DCP1A: variants seen among roughly 807,000 people sequenced by gnomAD.
DCP1A encodes the protein decapping mRNA 1A.
A neutral mutation model predicts 58.0 loss-of-function variants in DCP1A; 20 were observed. That is an observed-to-expected ratio of 0.34 (90% CI 0.24 to 0.50). The LOEUF is 0.50. Among genes scored for constraint, DCP1A ranks in the 20% least tolerant of loss-of-function variants. The pLI is 0.98. For missense variants in DCP1A, 613 were observed against 712.2 expected, an observed-to-expected ratio of 0.86 and a Z score of 1.59; for synonymous variants, 285 against 275.1, an observed-to-expected ratio of 1.04 and a Z score of -0.36.
intron 6 of DCP1A, among the ~76,000 whole-genome samples, chr3:53,296,674 AGGTT>A (rs1396409724): frequency 6.6e-6 from 1 of 152,224 alleles, no homozygotes; most frequent in Admixed American, 6.5e-5. Context: ...GTTGTTTTTA[AGGTT>A]CATCCGTGTT....
chr3:53,315,740 TG>T (rs1559694386), intron 4 of DCP1A, among the ~76,000 whole-genome samples: 11 of 114,730 alleles, frequency 9.6e-5, no homozygotes, highest in African/African-American at 3.4e-4. Flanking sequence ...TAAATCAGTT[TG>T]TTGTTTTTTT....
chr3:53,342,288 GAA>G lies in DCP1A; in HGVS notation c.177-19_177-18del. ...GAAGCTGACCTTAGATTTAATAGAA[GAA>G]AAAAAAATATGTAGTTACCATTTAA... On this transcript the variant is annotated intron_variant, in intron 2 of 9. Transcript: ENST00000610213. 6.6e-7 allele frequency: 1 copy of G among 1,520,906 alleles called. No homozygotes were observed. The highest frequency in any genetic ancestry group is 2.0e-5 in the Admixed American group (1 of 49,640). 94.2% of individuals were successfully genotyped at this position (1,520,906 alleles called of 1,614,324 possible).
At chr3:53,316,893 G>A (rs1448159569) in intron 4 of DCP1A, among the ~76,000 whole-genome samples, 2 of 151,894 alleles carry the variant, frequency 1.3e-5, no homozygotes, top group Non-Finnish European at 2.9e-5. Context: ...TCCTATTTCT[G>A]GGTTCAATAA....
chr3:53,338,992 G>A (rs1446393689), intron 3 of DCP1A, among the ~76,000 whole-genome samples: 2 of 152,056 alleles, frequency 1.3e-5, no homozygotes, highest in African/African-American at 4.8e-5. Flanking sequence ...TGGATATGAA[G>A]GTGTCACTTG....
intron 3 of DCP1A, among the ~76,000 whole-genome samples, chr3:53,324,875 TAA>T (rs879955681): frequency 7.1e-6 from 1 of 140,036 alleles, no homozygotes. Context: ...ATTTGTTAAC[TAA>T]AAAAAAAAAA....
chr3:53,318,408 G>A (rs1000868407), intron 4 of DCP1A, among the ~76,000 whole-genome samples: 1 of 152,204 alleles, frequency 6.6e-6, no homozygotes, highest in African/African-American at 2.4e-5. Context: ...AACTGTAAGA[G>A]AGCAAAAGGA....
At chr3:53,305,573 C>T (rs1237079774) in intron 5 of DCP1A, among the ~76,000 whole-genome samples, 2 of 152,086 alleles carry the variant, frequency 1.3e-5, no homozygotes, top group African/African-American at 2.4e-5. Context: ...TGGTCTCGAA[C>T]TCCTGACTTC....
intron 4 of DCP1A, among the ~76,000 whole-genome samples, chr3:53,314,547 C>G (rs963294952): frequency 6.6e-6 from 1 of 152,258 alleles, no homozygotes. Context: ...TGTTTTCCAC[C>G]TACCTCCTGA....
At chr3:53,342,298 T>TA in intron 2 of DCP1A, 27 bp from the exon 3 acceptor site, 1 of 1,504,532 alleles carries the variant, frequency 6.6e-7, no homozygotes, top group Non-Finnish European at 9.1e-7. Flanking sequence ...GAAAAAAAAA[T>TA]ATGTAGTTAC....
intron 3 of DCP1A, among the ~76,000 whole-genome samples, chr3:53,340,896 T>C (rs142677900): frequency 3.9e-5 from 6 of 152,286 alleles, no homozygotes; most frequent in South Asian, 2.1e-4. Context: ...AGCAGAAGAA[T>C]AGTCATAATC....
At position 53,304,189 on chromosome 3, in the gene DCP1A, C is replaced by A. The variant is rs369203593; in HGVS notation, c.612G>T (p.Gly204=). 1 of 1,612,542 alleles carries A rather than the reference C, an allele frequency of 6.2e-7. No individual in the cohort carries two copies. The highest frequency in any genetic ancestry group is 8.5e-7 in the Non-Finnish European group (1 of 1,178,980). ...STETLEEMPS[G]SQDKSAPSGH... is the part of the protein sequence containing the mutation. Reference sequence around the variant, plus strand: ...TAGCTGTACAAACCTTATCCTGTGACCCGGAGGGCATTTCTTCTAGAGTCT... The same window carrying A: ...TAGCTGTACAAACCTTATCCTGTGAACCGGAGGGCATTTCTTCTAGAGTCT... Residue 204 remains glycine, a synonymous_variant, in exon 6 of 10, where the codon GGG becomes GGT. Coordinates refer to ENST00000610213, the MANE Select transcript of DCP1A (RefSeq NM_018403.7).
chr3:53,298,351 C>T (rs1553687015), intron 6 of DCP1A, among the ~76,000 whole-genome samples: 1 of 152,186 alleles, frequency 6.6e-6, no homozygotes, highest in Non-Finnish European at 1.5e-5. Flanking sequence ...CGAGGCCAGA[C>T]AGATTCTCTA....
intron 3 of DCP1A, among the ~76,000 whole-genome samples, chr3:53,323,754 C>A (rs1309004019): frequency 6.7e-6 from 1 of 149,394 alleles, no homozygotes; most frequent in African/African-American, 2.5e-5. Flanking sequence ...CCCAGCTACT[C>A]GGGAGGCTAA....
intron 2 of DCP1A, among the ~76,000 whole-genome samples, chr3:53,342,661 G>A (rs1477054801): frequency 6.6e-6 from 1 of 152,218 alleles, no homozygotes; most frequent in Non-Finnish European, 1.5e-5. Flanking sequence ...AAGCTGCACA[G>A]CTATCTCATC....
chr3:53,311,651 A>C (rs1707648168), intron 5 of DCP1A, among the ~76,000 whole-genome samples: 1 of 152,182 alleles, frequency 6.6e-6, no homozygotes, highest in Non-Finnish European at 1.5e-5. Flanking sequence ...CCAATTACAG[A>C]CCATGAGTGT....
At chr3:53,305,828 T>G (rs1231189088) in intron 5 of DCP1A, among the ~76,000 whole-genome samples, 1 of 152,214 alleles carries the variant, frequency 6.6e-6, no homozygotes, top group South Asian at 2.1e-4. Context: ...GGACATCTAA[T>G]TGTACTAATA....
chr3:53,337,153 G>A (rs1266678738), intron 3 of DCP1A, among the ~76,000 whole-genome samples: 1 of 152,196 alleles, frequency 6.6e-6, no homozygotes, highest in African/African-American at 2.4e-5. Context: ...ATACAGGCGT[G>A]AGCCACCATA....
At chr3:53,315,261 C>T (rs887005215) in intron 4 of DCP1A, among the ~76,000 whole-genome samples, 1 of 151,662 alleles carries the variant, frequency 6.6e-6, no homozygotes, top group African/African-American at 2.4e-5. Context: ...TTTCTGAGGC[C>T]GGGTGTGGTG....
chr3:53,336,202 C>T (rs1316110191), intron 3 of DCP1A, among the ~76,000 whole-genome samples: 2 of 152,180 alleles, frequency 1.3e-5, no homozygotes, highest in Non-Finnish European at 2.9e-5. Context: ...CTCCCGGGTT[C>T]AAACGATTCT....
Sources: allele counts gnomAD v4.1 joint callset (sites outside exome capture counted in the v4.1 genomes callset), GRCh38; gene constraint gnomAD v4.1.1; transcripts MANE v1.5; gene names NCBI Gene and HGNC (gene_info 2026-07-23, HGNC 2026-07-21).